Variants in ALKBH8 observed in about 807,000 individuals in gnomAD.
The protein encoded by ALKBH8 is alkB homolog 8, tRNA methyltransferase.
ALKBH8 carries 36 observed loss-of-function variants against 59.8 expected under a neutral mutation model. The observed-to-expected ratio is 0.60, with a 90% CI of 0.46 to 0.79. ALKBH8 has a LOEUF of 0.79. Ranked by LOEUF, ALKBH8 falls within the 30% of genes least tolerant of loss-of-function variation. The pLI, the probability that ALKBH8 is intolerant of heterozygous loss-of-function variation, is 0.00. For missense variants in ALKBH8, 768 were observed against 801.0 expected, an observed-to-expected ratio of 0.96 and a Z score of 0.50; for synonymous variants, 276 against 273.6, an observed-to-expected ratio of 1.01 and a Z score of -0.09.
In ALKBH8 at chr11:107,505,029, C is replaced by T. The variant is rs1278418245; in HGVS notation, c.1624G>A (p.Val542Met). ...NSDTSVQRSL[V>M]EQMRDMGSRD... Reference sequence around the variant, plus strand: ...CTGCCCATGTCACGCATTTGCTCCACAAGTGACCTCTGCACTGAGGTATCA... The same window carrying T: ...CTGCCCATGTCACGCATTTGCTCCATAAGTGACCTCTGCACTGAGGTATCA... Residue 542 changes from valine (V) to methionine (M), a missense_variant, in exon 12 of 12, where the codon GTG becomes ATG. Val to Met is a conservative substitution (Grantham distance 21). Coordinates refer to ENST00000428149, the MANE Select transcript of ALKBH8 (RefSeq NM_138775.3). 7 of 1,551,634 alleles carry T rather than the reference C, an allele frequency of 4.5e-6. No individual in the cohort carries two copies. The highest frequency in any genetic ancestry group is 6.1e-6 in the Non-Finnish European group (7 of 1,146,986).
chr11:107,535,673 T>C (rs552841039), intron 7 of ALKBH8, among the ~76,000 whole-genome samples: 1 of 152,154 alleles, frequency 6.6e-6, no homozygotes, highest in Non-Finnish European at 1.5e-5. Context: ...AAGTCTGATG[T>C]AACAATGGAG....
intron 7 of ALKBH8, among the ~76,000 whole-genome samples, chr11:107,532,927 T>G (rs376835588): frequency 1.3e-5 from 2 of 152,120 alleles, no homozygotes; most frequent in Non-Finnish European, 2.9e-5. Context: ...AACTAGCTAT[T>G]GTTTTTATTA....
intron 8 of ALKBH8, among the ~76,000 whole-genome samples, chr11:107,530,202 G>A (rs930745113): frequency 2.0e-5 from 3 of 152,118 alleles, no homozygotes; most frequent in African/African-American, 7.2e-5. Context: ...TTACCCCTAT[G>A]CTGCCCGTCT....
chr11:107,543,673 A>G (rs1383030974), intron 7 of ALKBH8, among the ~76,000 whole-genome samples: 1 of 152,074 alleles, frequency 6.6e-6, no homozygotes, highest in Non-Finnish European at 1.5e-5. Flanking sequence ...ATTTAATTTA[A>G]TATTACATAA....
intron 11 of ALKBH8, among the ~76,000 whole-genome samples, chr11:107,507,613 G>A (rs1862444787): frequency 6.6e-6 from 1 of 152,180 alleles, no homozygotes; most frequent in South Asian, 2.1e-4. Context: ...AGGCCTGTGA[G>A]ATTGTTTTAC....
At chr11:107,551,704 AAAATAATAAT>A in intron 6 of ALKBH8, 94 bp downstream of exon 6, 2 of 381,566 alleles carry the variant, frequency 5.2e-6, no homozygotes, top group East Asian at 1.3e-4. Context: ...CAAAAAAAAA[AAAATAATAAT>A]AATAATAATA....
intron 7 of ALKBH8, among the ~76,000 whole-genome samples, chr11:107,543,229 T>C (rs632902): frequency 0.75 from 114,522 of 151,814 alleles, 44,341 homozygotes; most frequent in South Asian, 0.85. Context: ...CCCAGCTGCT[T>C]GGAAGGCTGA....
chr11:107,524,806 C>G (rs945425840), intron 9 of ALKBH8, among the ~76,000 whole-genome samples: 2 of 151,902 alleles, frequency 1.3e-5, no homozygotes, highest in Non-Finnish European at 2.9e-5. Flanking sequence ...TTAAAACCCC[C>G]AAGATATAAA....
At chr11:107,561,170 A>G (rs1015855338) in intron 1 of ALKBH8, among the ~76,000 whole-genome samples, 11 of 152,172 alleles carry the variant, frequency 7.2e-5, no homozygotes, top group South Asian at 2.1e-4. Flanking sequence ...CTCATAGGTG[A>G]TGAATTCTTT....
Position 107,519,980 on chromosome 11 carries a change from T to C in ALKBH8, c.1287+2319A>G, listed in dbSNP as rs527609531. 2.6e-5 allele frequency among the ~76,000 whole-genome samples: 4 copies of C among 152,300 alleles called. No individual in the cohort carries two copies. In the South Asian group the frequency reaches 6.2e-4, roughly 24 times the overall value. On this transcript the variant is annotated intron_variant, in intron 10 of 11. Coordinates refer to ENST00000428149, the MANE Select transcript of ALKBH8 (RefSeq NM_138775.3). ...TAACCATTGAAGTGCTATGCAAATGTTAGTTATTATAACATAAGGAATAAG... is the reference window on the plus strand; with the variant it reads ...TAACCATTGAAGTGCTATGCAAATGCTAGTTATTATAACATAAGGAATAAG...
At chr11:107,520,627 T>C (rs745353579) in intron 10 of ALKBH8, among the ~76,000 whole-genome samples, 26 of 152,226 alleles carry the variant, frequency 1.7e-4, no homozygotes, top group Non-Finnish European at 3.1e-4. Context: ...TGGTTTGTTG[T>C]GATTTTAAGT....
At chr11:107,554,795 A>T (rs1864637669) in intron 3 of ALKBH8, among the ~76,000 whole-genome samples, 1 of 152,276 alleles carries the variant, frequency 6.6e-6, no homozygotes. Context: ...TATATTATGT[A>T]TTCAAATTAT....
In ALKBH8 at chr11:107,503,681, A is replaced by G. The variant is rs1356088003; in HGVS notation, c.*977T>C. On this transcript the variant is annotated 3_prime_UTR_variant, in exon 12 of 12. Coordinates refer to ENST00000428149, the MANE Select transcript of ALKBH8 (RefSeq NM_138775.3). ...GACAAACTATGAATCAACTAGAAAT[A>G]ACCAATAATGACACCACAGCTTTGG... 2.0e-5 allele frequency: 3 copies of G among 152,180 alleles called. No individual in the cohort carries two copies. Among genetic ancestry groups the G allele is most frequent in the Non-Finnish European group, 4.4e-5 (3 of 68,032 alleles). The allele number at this position is 152,180 out of a possible 1,614,324, so 9.4% of individuals were successfully genotyped here.
chr11:107,555,872 TAATTA>T (rs1350799427), intron 3 of ALKBH8, among the ~76,000 whole-genome samples: 1 of 152,250 alleles, frequency 6.6e-6, no homozygotes, highest in Non-Finnish European at 1.5e-5. Context: ...TATACTTATT[TAATTA>T]AATTATTCAG....
At chr11:107,522,888 A>G (rs1275638148) in intron 9 of ALKBH8, among the ~76,000 whole-genome samples, 9 of 152,126 alleles carry the variant, frequency 5.9e-5, no homozygotes. Flanking sequence ...AATGTAAATT[A>G]GAATGGTCAT....
intron 10 of ALKBH8, among the ~76,000 whole-genome samples, chr11:107,519,123 G>A (rs1259440475): frequency 6.6e-6 from 1 of 150,390 alleles, no homozygotes; most frequent in Non-Finnish European, 1.5e-5. Context: ...TTCTTTTTTT[G>A]AGACAGAGTC....
intron 7 of ALKBH8, among the ~76,000 whole-genome samples, chr11:107,547,516 A>G (rs1291358400): frequency 2.0e-5 from 3 of 152,188 alleles, no homozygotes; most frequent in Non-Finnish European, 1.5e-5. Context: ...CACATACATT[A>G]CCTCATTTTA....
intron 10 of ALKBH8, among the ~76,000 whole-genome samples, chr11:107,518,562 C>T (rs572252970): frequency 3.7e-4 from 57 of 152,348 alleles, no homozygotes; most frequent in African/African-American, 1.2e-3. Flanking sequence ...ACACCTGGCC[C>T]GCCCAGGGCG....
At chr11:107,546,949 C>G (rs1382453364) in intron 7 of ALKBH8, among the ~76,000 whole-genome samples, 1 of 151,866 alleles carries the variant, frequency 6.6e-6, no homozygotes, top group East Asian at 1.9e-4. Flanking sequence ...TTAAGAATAC[C>G]TCATGGGAAC....
Sources: allele counts gnomAD v4.1 joint callset (sites outside exome capture counted in the v4.1 genomes callset), GRCh38; gene constraint gnomAD v4.1.1; transcripts MANE v1.5; gene names NCBI Gene and HGNC (gene_info 2026-07-23, HGNC 2026-07-21).